Variants in SPMIP2 observed in about 807,000 individuals in gnomAD.
SPMIP2 encodes protein SPMIP2.
At chr4:158,912,817 A>C in the SPMIP2 span, among the ~76,000 whole-genome samples, 1 of 152,224 alleles carries the variant, frequency 6.6e-6, no homozygotes, top group African/African-American at 2.4e-5. Flanking sequence ...TGATAAAAAG[A>C]TAAATTATTT....
chr4:158,979,914 C>T, the SPMIP2 span, among the ~76,000 whole-genome samples: 2 of 150,810 alleles, frequency 1.3e-5, no homozygotes, highest in South Asian at 4.2e-4. Flanking sequence ...CTCAGCGGAT[C>T]CCCTCCCCAC....
At chr4:159,016,259 C>A in the SPMIP2 span, among the ~76,000 whole-genome samples, 2 of 152,148 alleles carry the variant, frequency 1.3e-5, no homozygotes, top group Admixed American at 1.3e-4. Flanking sequence ...ATTATGACAT[C>A]CTATTGATCC....
the SPMIP2 span, among the ~76,000 whole-genome samples, chr4:158,951,191 T>A: frequency 6.6e-6 from 1 of 152,250 alleles, no homozygotes; most frequent in African/African-American, 2.4e-5. Flanking sequence ...ACCTAGTACG[T>A]GAGTACTAAA....
the SPMIP2 span, among the ~76,000 whole-genome samples, chr4:158,903,951 C>T: frequency 1.3e-5 from 2 of 152,204 alleles, no homozygotes; most frequent in Non-Finnish European, 2.9e-5. Flanking sequence ...ACTTTGCTCT[C>T]AGAATCTTGT....
At chr4:159,004,833 A>G in the SPMIP2 span, among the ~76,000 whole-genome samples, 1 of 152,106 alleles carries the variant, frequency 6.6e-6, no homozygotes, top group Non-Finnish European at 1.5e-5. Context: ...ATGACCTGGT[A>G]TTAAAGCTAC....
chr4:159,067,674 T>C, the SPMIP2 span, among the ~76,000 whole-genome samples: 1 of 152,046 alleles, frequency 6.6e-6, no homozygotes, highest in African/African-American at 2.4e-5. Context: ...CTAATTAAAC[T>C]AAAGAGCTTC....
At chr4:158,955,211 A>T in the SPMIP2 span, among the ~76,000 whole-genome samples, 24 of 152,276 alleles carry the variant, frequency 1.6e-4, no homozygotes, top group Admixed American at 8.5e-4. Context: ...CTGTCTCTCC[A>T]TCAGTGAATC....
At chr4:158,927,231 C>T in the SPMIP2 span, among the ~76,000 whole-genome samples, 4 of 152,132 alleles carry the variant, frequency 2.6e-5, no homozygotes, top group Admixed American at 2.6e-4. Context: ...TCTGGAGACT[C>T]TTAAAAATGC....
the SPMIP2 span, among the ~76,000 whole-genome samples, chr4:159,075,580 G>C: frequency 6.6e-6 from 1 of 152,138 alleles, no homozygotes; most frequent in Non-Finnish European, 1.5e-5. Context: ...ACTTGGATTT[G>C]AATCCTGTGT....
the SPMIP2 span, among the ~76,000 whole-genome samples, chr4:158,921,505 GCT>G: frequency 6.6e-6 from 1 of 151,908 alleles, no homozygotes; most frequent in Non-Finnish European, 1.5e-5. Flanking sequence ...CTCCCACTTC[GCT>G]CTTTCTCCCT....
the SPMIP2 span, among the ~76,000 whole-genome samples, chr4:158,958,731 G>T: frequency 0.66 from 100,257 of 151,974 alleles, 33,315 homozygotes; most frequent in South Asian, 0.8. Flanking sequence ...CTGAGTCAGG[G>T]CCCTATTCAA....
chr4:159,071,896 T>A, the SPMIP2 span, among the ~76,000 whole-genome samples: 1 of 152,220 alleles, frequency 6.6e-6, no homozygotes, highest in African/African-American at 2.4e-5. Context: ...TTCAGCTGCC[T>A]GGGGGTTAGT....
At chr4:158,981,406 A>G in the SPMIP2 span, among the ~76,000 whole-genome samples, 5 of 152,208 alleles carry the variant, frequency 3.3e-5, no homozygotes, top group Non-Finnish European at 7.3e-5. Context: ...CATAATCATC[A>G]GAGTCACCAA....
At chr4:159,035,001 T>G in the SPMIP2 span, 1 of 1,555,624 alleles carries the variant, frequency 6.4e-7, no homozygotes, top group South Asian at 1.1e-5. Flanking sequence ...AATTTAGATC[T>G]CCTTGTGAAA....
At chr4:159,012,071 AAT>A in the SPMIP2 span, among the ~76,000 whole-genome samples, 1 of 127,520 alleles carries the variant, frequency 7.8e-6, no homozygotes, top group Non-Finnish European at 1.7e-5. Flanking sequence ...AAAAAAAAAA[AAT>A]TATTCCTCAA....
At chr4:159,014,282 G>A in the SPMIP2 span, among the ~76,000 whole-genome samples, 3 of 152,068 alleles carry the variant, frequency 2.0e-5, no homozygotes, top group Non-Finnish European at 4.4e-5. Flanking sequence ...GTCAAACTCC[G>A]TCTCTACTAA....
the SPMIP2 span, among the ~76,000 whole-genome samples, chr4:158,936,923 A>G: frequency 6.6e-6 from 1 of 152,162 alleles, no homozygotes; most frequent in Non-Finnish European, 1.5e-5. Flanking sequence ...TTTTATTCCA[A>G]AACTGGAGGT....
chr4:159,015,593 T>A, the SPMIP2 span, among the ~76,000 whole-genome samples: 1 of 152,150 alleles, frequency 6.6e-6, no homozygotes, highest in Non-Finnish European at 1.5e-5. Flanking sequence ...ATTTACTAGA[T>A]CAAGGCAAGA....
At chr4:159,022,043 C>T in the SPMIP2 span, among the ~76,000 whole-genome samples, 1 of 152,144 alleles carries the variant, frequency 6.6e-6, no homozygotes, top group Admixed American at 6.5e-5. Context: ...AGCATGCCTA[C>T]TTTGCTCTGT....
Sources: allele counts gnomAD v4.1 joint callset (sites outside exome capture counted in the v4.1 genomes callset), GRCh38; gene constraint gnomAD v4.1.1; transcripts MANE v1.5; gene names NCBI Gene and HGNC (gene_info 2026-07-23, HGNC 2026-07-21).